The following UPP2 variants were observed in gnomAD, a reference collection of about 807,000 sequenced individuals.
The protein encoded by UPP2 is uridine phosphorylase 2, also known as UPase 2.
In UPP2, 23 loss-of-function variants were observed where a neutral mutation model predicts 26.7. The observed-to-expected ratio is 0.86, with a 90% CI of 0.62 to 1.22. The LOEUF (loss-of-function observed/expected upper bound fraction) is 1.22, where lower values mean the gene tolerates loss of function less well. Ranked by LOEUF, UPP2 falls within the 50% of genes most tolerant of loss-of-function variation. The pLI is 0.00. For synonymous variants in UPP2, 127 were observed against 141.3 expected (o/e 0.90, Z 0.72); for missense variants, 387 against 396.7 (o/e 0.98, Z 0.21).
intron 4 of UPP2, 127 bp from the exon 5 acceptor site, chr2:158,121,282 A>G (rs2074955): frequency 0.14 from 113,517 of 827,360 alleles, 9,371 homozygotes; most frequent in African/African-American, 0.28. Flanking sequence ...AAAAGAAAAT[A>G]ATTTTAAAGT....
intron 2 of UPP2, among the ~76,000 whole-genome samples, chr2:158,008,024 T>A (rs1683519772): frequency 6.6e-6 from 1 of 152,210 alleles, no homozygotes. Flanking sequence ...AAGAATACAT[T>A]TAAGGTCTCA....
chr2:158,116,107 A>C (rs1389007876), intron 3 of UPP2, among the ~76,000 whole-genome samples: 1 of 152,230 alleles, frequency 6.6e-6, no homozygotes, highest in Non-Finnish European at 1.5e-5. Flanking sequence ...CATTGATGAA[A>C]ACCTGCGGTA....
chr2:158,102,255 G>A (rs6713525), intron 1 of UPP2, 130 bp downstream of exon 1: 44,287 of 899,702 alleles, frequency 0.049, 3,693 homozygotes, highest in African/African-American at 0.32. Flanking sequence ...ATCACTGGAT[G>A]CAGCTCATAA....
At chr2:158,101,661 C>A (rs1194291808), upstream of UPP2, among the ~76,000 whole-genome samples, 2 of 152,194 alleles carry the variant, frequency 1.3e-5, no homozygotes, top group Non-Finnish European at 2.9e-5. Context: ...ATACAGTTGT[C>A]TCAAAGCAAA....
intron 3 of UPP2, among the ~76,000 whole-genome samples, chr2:158,046,898 A>G (rs1319531370): frequency 6.6e-6 from 1 of 152,184 alleles, no homozygotes; most frequent in Non-Finnish European, 1.5e-5. Context: ...AACTACTCAG[A>G]TATTATAGTT....
chr2:158,068,806 T>A (rs868550314), intron 3 of UPP2, among the ~76,000 whole-genome samples: 524 of 17,140 alleles, frequency 0.031, no homozygotes, highest in East Asian at 0.062. Context: ...ATATATATTT[T>A]TTTTTTTTTT....
intron 3 of UPP2, among the ~76,000 whole-genome samples, chr2:158,048,988 T>A: frequency 6.6e-6 from 1 of 152,288 alleles, no homozygotes; most frequent in East Asian, 1.9e-4. Flanking sequence ...CTATGGCATC[T>A]CCCTTGCTCC....
At chr2:158,082,640 T>C (rs1363850792) in intron 3 of UPP2, among the ~76,000 whole-genome samples, 2 of 152,164 alleles carry the variant, frequency 1.3e-5, no homozygotes, top group African/African-American at 4.8e-5. Context: ...ATTCATGACA[T>C]GAGCGTAGGC....
At chr2:158,001,197 C>T (rs1343593777) in intron 2 of UPP2, among the ~76,000 whole-genome samples, 1 of 152,126 alleles carries the variant, frequency 6.6e-6, no homozygotes, top group Non-Finnish European at 1.5e-5. Flanking sequence ...AAGCATCAAA[C>T]CAGCAGCAGG....
chr2:158,053,702 A>G (rs1184470133), intron 3 of UPP2, among the ~76,000 whole-genome samples: 2 of 152,192 alleles, frequency 1.3e-5, no homozygotes. Flanking sequence ...TTATGAAGCT[A>G]TAGATTAGGT....
Position 158,110,370 on chromosome 2 carries a change from T to TATATGCACCAC in UPP2, c.180+4156_180+4157insATGCACCACAT, listed in dbSNP as rs533904267. 1.0e-3 allele frequency among the ~76,000 whole-genome samples: 156 copies of TATATGCACCAC among 152,248 alleles called. 4 individuals carry two copies. The South Asian group carries it at 0.023, about 23-fold the overall frequency. ...TATGGCTGCATAGTATTCCATGGTG[T>TATATGCACCAC]ATTTGCTTAATCCAGTCTGTCATTG... On this transcript the variant is annotated intron_variant, in intron 2 of 6. Transcript: ENST00000005756.
At chr2:158,017,166 C>T (rs907346329) in intron 3 of UPP2, among the ~76,000 whole-genome samples, 26 of 152,148 alleles carry the variant, frequency 1.7e-4, no homozygotes, top group Admixed American at 6.5e-4. Flanking sequence ...ACAGCAATTC[C>T]TGCCTCTTAA....
chr2:158,018,255 A>G (rs1002258433), intron 3 of UPP2, among the ~76,000 whole-genome samples: 2 of 152,250 alleles, frequency 1.3e-5, no homozygotes, highest in African/African-American at 4.8e-5. Flanking sequence ...TTGCAAAAAT[A>G]TCTAGTAAGG....
intron 3 of UPP2, among the ~76,000 whole-genome samples, chr2:158,088,639 G>A (rs894152519): frequency 5.3e-5 from 8 of 152,112 alleles, no homozygotes; most frequent in Non-Finnish European, 7.4e-5. Flanking sequence ...TGGGCTCAAG[G>A]GCTGCTGTTC....
intron 3 of UPP2, among the ~76,000 whole-genome samples, chr2:158,019,379 G>C (rs559279065): frequency 6.6e-6 from 1 of 152,076 alleles, no homozygotes; most frequent in South Asian, 2.1e-4. Context: ...AGGACGGAGC[G>C]GGGAGTAGTA....
chr2:158,011,548 T>C (rs981079778), intron 2 of UPP2, among the ~76,000 whole-genome samples: 4 of 151,810 alleles, frequency 2.6e-5, no homozygotes, highest in Non-Finnish European at 4.4e-5. Flanking sequence ...TCAATTGCAA[T>C]GGTCAAGGGA....
At chr2:158,125,658 G>T (rs1683677921) in intron 6 of UPP2, among the ~76,000 whole-genome samples, 1 of 152,130 alleles carries the variant, frequency 6.6e-6, no homozygotes, top group Admixed American at 6.5e-5. Flanking sequence ...GACATCAAGT[G>T]ATCCACTTGC....
At chr2:158,061,818 C>G (rs181973552) in intron 3 of UPP2, among the ~76,000 whole-genome samples, 8 of 152,344 alleles carry the variant, frequency 5.3e-5, no homozygotes, top group Non-Finnish European at 1.0e-4. Flanking sequence ...GCACCTGGAC[C>G]CATATCGCCT....
intron 3 of UPP2, 110 bp from the exon 4 acceptor site, chr2:158,117,714 G>A (rs1259258649): frequency 3.6e-6 from 3 of 835,444 alleles, no homozygotes; most frequent in Non-Finnish European, 5.9e-6. Flanking sequence ...AAGTCTTAAT[G>A]ATTATGTAAA....
Sources: gnomAD v4.1 joint callset for allele counts (sites outside exome capture counted in the v4.1 genomes callset) on GRCh38, gnomAD v4.1.1 for gene constraint, MANE v1.5 for transcripts, NCBI Gene and HGNC (gene_info 2026-07-23, HGNC 2026-07-21) for gene names.